The following GAP43 variants were observed in gnomAD, a reference collection of about 807,000 sequenced individuals.
GAP43 encodes the protein growth associated protein 43, also known as neuromodulin.
In GAP43, 6 loss-of-function variants were observed where a neutral mutation model predicts 18.6. The ratio of observed to expected loss-of-function variants is 0.32; its 90% CI spans 0.18 to 0.64. GAP43 has a LOEUF of 0.64. Ranked by LOEUF, GAP43 falls within the 30% of genes least tolerant of loss-of-function variation. The pLI is 0.78. For synonymous variants in GAP43, 115 were observed against 111.4 expected (o/e 1.03, Z -0.20); for missense variants, 292 against 295.5 (o/e 0.99, Z 0.09).
chr3:115,633,326 A>G (rs1708287265), intron 1 of GAP43, among the ~76,000 whole-genome samples: 1 of 152,138 alleles, frequency 6.6e-6, no homozygotes. Context: ...CAGGGCCGAT[A>G]TCTCTGACTG....
intron 2 of GAP43, among the ~76,000 whole-genome samples, chr3:115,695,035 A>G (rs1709166628): frequency 6.6e-6 from 1 of 152,248 alleles, no homozygotes; most frequent in African/African-American, 2.4e-5. Context: ...AACTGTTTTT[A>G]TAGCATGGAA....
intron 2 of GAP43, among the ~76,000 whole-genome samples, chr3:115,678,006 C>T (rs1334212186): frequency 2.0e-5 from 3 of 152,168 alleles, no homozygotes; most frequent in Non-Finnish European, 2.9e-5. Context: ...CTGGATAAAT[C>T]GTATGCTTCT....
At chr3:115,684,717 T>G in intron 2 of GAP43, among the ~76,000 whole-genome samples, 1 of 152,120 alleles carries the variant, frequency 6.6e-6, no homozygotes, top group East Asian at 1.9e-4. Flanking sequence ...TACAGTGGGT[T>G]GAGGAGAGTT....
At chr3:115,653,540 G>A (rs768185244) in intron 1 of GAP43, among the ~76,000 whole-genome samples, 9 of 152,088 alleles carry the variant, frequency 5.9e-5, no homozygotes, top group East Asian at 5.8e-4. Flanking sequence ...TTTGTGTGGC[G>A]GGGTGAAATA....
At chr3:115,651,388 A>G (rs892083698) in intron 1 of GAP43, among the ~76,000 whole-genome samples, 2 of 152,130 alleles carry the variant, frequency 1.3e-5, no homozygotes, top group Non-Finnish European at 2.9e-5. Context: ...TTTGAAAAGT[A>G]TATCATTTGT....
chr3:115,634,681 G>T (rs1235548074), intron 1 of GAP43, among the ~76,000 whole-genome samples: 1 of 151,914 alleles, frequency 6.6e-6, no homozygotes, highest in Non-Finnish European at 1.5e-5. Flanking sequence ...GATGAGGAAG[G>T]ATCTCTTCAG....
At chr3:115,714,335 G>C (rs1175955796) in intron 2 of GAP43, among the ~76,000 whole-genome samples, 1 of 152,142 alleles carries the variant, frequency 6.6e-6, no homozygotes, top group African/African-American at 2.4e-5. Flanking sequence ...AGTGAACGTG[G>C]TGGTAATCTC....
chr3:115,653,463 A>G (rs994102401), intron 1 of GAP43, among the ~76,000 whole-genome samples: 14 of 152,106 alleles, frequency 9.2e-5, no homozygotes, highest in African/African-American at 3.1e-4. Context: ...AAAATAAATA[A>G]AAAGGTAATT....
At chr3:115,636,800 G>C (rs1708335759) in intron 1 of GAP43, among the ~76,000 whole-genome samples, 1 of 151,958 alleles carries the variant, frequency 6.6e-6, no homozygotes, top group Non-Finnish European at 1.5e-5. Flanking sequence ...CTCTGGCATT[G>C]ACTAGGCTTG....
chr3:115,698,153 T>G, intron 2 of GAP43, among the ~76,000 whole-genome samples: 1 of 57,572 alleles, frequency 1.7e-5, no homozygotes, highest in Admixed American at 3.6e-4. Context: ...ATATATTATA[T>G]ATAATATATA....
At chr3:115,634,456 C>T (rs2107466853) in intron 1 of GAP43, among the ~76,000 whole-genome samples, 1 of 152,052 alleles carries the variant, frequency 6.6e-6, no homozygotes, top group Non-Finnish European at 1.5e-5. Context: ...AGGCAATTGT[C>T]TCATTATTTA....
At chr3:115,641,551 T>C (rs1708397630) in intron 1 of GAP43, among the ~76,000 whole-genome samples, 1 of 90,788 alleles carries the variant, frequency 1.1e-5, no homozygotes, top group African/African-American at 3.5e-5. Context: ...CACGGTGCTT[T>C]CCTGTTTCCC....
chr3:115,667,680 T>C (rs886999197), intron 1 of GAP43, among the ~76,000 whole-genome samples: 1 of 152,188 alleles, frequency 6.6e-6, no homozygotes, highest in Non-Finnish European at 1.5e-5. Flanking sequence ...TCTTGGGGCC[T>C]CTCAGCTGGG....
At chr3:115,688,297 G>C (rs1268622227) in intron 2 of GAP43, among the ~76,000 whole-genome samples, 1 of 152,018 alleles carries the variant, frequency 6.6e-6, no homozygotes, top group African/African-American at 2.4e-5. Context: ...GGGATTGTAG[G>C]CATAAGCCAG....
intron 1 of GAP43, among the ~76,000 whole-genome samples, chr3:115,675,407 A>T (rs1708868456): frequency 6.6e-6 from 1 of 152,190 alleles, no homozygotes; most frequent in Admixed American, 6.5e-5. Flanking sequence ...ACTTCTAAAA[A>T]AAAGGCTGGT....
At chr3:115,681,280 TC>T (rs1464780330) in intron 2 of GAP43, among the ~76,000 whole-genome samples, 1 of 152,236 alleles carries the variant, frequency 6.6e-6, no homozygotes, top group Non-Finnish European at 1.5e-5. Flanking sequence ...AAATGGATAT[TC>T]TGGCCACAAA....
intron 1 of GAP43, among the ~76,000 whole-genome samples, chr3:115,661,831 C>CTTTGTTTTTTTTTTTTTT (rs780627070): frequency 9.4e-6 from 1 of 105,970 alleles, no homozygotes. Flanking sequence ...GAAACTAGGG[C>CTTTGTTTTTTTTTTTTTT]TTTTTTTTTT....
chr3:115,666,028 G>T (rs1309694850), intron 1 of GAP43, among the ~76,000 whole-genome samples: 2 of 148,708 alleles, frequency 1.3e-5, no homozygotes, highest in Non-Finnish European at 3.0e-5. Flanking sequence ...GTGTGTGTGT[G>T]TGTGGTTGGG....
At chr3:115,657,470 G>A (rs984183033) in intron 1 of GAP43, among the ~76,000 whole-genome samples, 1 of 151,612 alleles carries the variant, frequency 6.6e-6, no homozygotes, top group African/African-American at 2.4e-5. Context: ...AATTTCTTTC[G>A]CAAATATTTT....
Sources: gnomAD v4.1 joint callset for allele counts (sites outside exome capture counted in the v4.1 genomes callset) on GRCh38, gnomAD v4.1.1 for gene constraint, MANE v1.5 for transcripts, NCBI Gene and HGNC (gene_info 2026-07-23, HGNC 2026-07-21) for gene names.